The following CDH11 variants were observed in gnomAD, a reference collection of about 807,000 sequenced individuals.
The protein encoded by CDH11 is cadherin 11.
Under a neutral mutation model 67.8 loss-of-function variants are expected in CDH11, and 11 were observed. The ratio of observed to expected loss-of-function variants is 0.16; its 90% CI spans 0.10 to 0.27. The LOEUF (loss-of-function observed/expected upper bound fraction) is 0.27. Among genes scored for constraint, CDH11 ranks in the 10% least tolerant of loss-of-function variants. The pLI is 1.00. For synonymous variants in CDH11, 419 were observed against 400.0 expected (o/e 1.05, Z -0.57); for missense variants, 847 against 1,031.2 (o/e 0.82, Z 2.45).
chr16:64,947,597 T>C lies in CDH11; in HGVS notation c.*6A>G. On this transcript the variant is annotated 3_prime_UTR_variant, in exon 13 of 13. Coordinates refer to ENST00000268603, the MANE Select transcript of CDH11 (RefSeq NM_001797.4). ...AGTTCTTAAGGCCAAATTTGTATCG[T>C]TATTGTTAAGAATCGTCATCAAAAG... The C allele has an allele frequency of 6.2e-7, 1 of 1,601,204 alleles. No homozygotes were observed. The highest frequency in any genetic ancestry group is 1.1e-5 in the South Asian group (1 of 90,714).
In CDH11 at chr16:64,946,365, G is replaced by T. The variant is rs2071196514; in HGVS notation, c.*1238C>A. The stretch of plus-strand genomic sequence containing the variant: ...CCAGTTCCCCAGTGCTCAGTGTGGG[G>T]CATAGAATGTATACCTGGAACATTA... On this transcript the variant is annotated 3_prime_UTR_variant, in exon 13 of 13. Transcript: ENST00000268603. 1 of 1,040,252 alleles carries T rather than the reference G, an allele frequency of 9.6e-7. No individual in the cohort carries two copies. The highest frequency in any genetic ancestry group is 1.2e-6 in the Non-Finnish European group (1 of 863,430). 64.4% of individuals were successfully genotyped at this position (1,040,252 alleles called of 1,614,324 possible).
chr16:64,961,008 T>C (rs1382391450), intron 11 of CDH11, among the ~76,000 whole-genome samples: 1 of 152,148 alleles, frequency 6.6e-6, no homozygotes, highest in East Asian at 1.9e-4. Context: ...ATAACTAATT[T>C]TGCTGGATGT....
chr16:65,104,410 C>A (rs1265257451), intron 1 of CDH11, among the ~76,000 whole-genome samples: 2 of 152,180 alleles, frequency 1.3e-5, no homozygotes, highest in Non-Finnish European at 2.9e-5. Context: ...GAATCTCTTT[C>A]TCTCTATAGA....
At position 64,971,637 on chromosome 16, in the gene CDH11, G is replaced by A. The variant is rs757706888; in HGVS notation, c.1584C>T (p.Ile528=). 3 of 1,613,656 alleles carry A rather than the reference G, an allele frequency of 1.9e-6. No homozygotes were observed. Among genetic ancestry groups the A allele is most frequent in the Non-Finnish European group, 2.5e-6 (3 of 1,179,848 alleles). The change falls in exon 11 of 13, where the codon ATC becomes ATT. Residue 528 remains isoleucine, a synonymous_variant. Transcript: ENST00000268603. ...KDDTANGPRF[I]FSLPPEIIHN... is the part of the protein sequence containing the mutation. ...GAATGATTTCAGGGGGTAGGCTGAA[G>A]ATAAATCTTGGTCCATTGGCCGTGT...
At position 64,945,386 on chromosome 16, in the gene CDH11, TA is replaced by T; in HGVS notation, c.*2216del. On this transcript the variant is annotated 3_prime_UTR_variant, in exon 13 of 13. Coordinates refer to ENST00000268603, the MANE Select transcript of CDH11 (RefSeq NM_001797.4). Reference sequence around the variant, plus strand: ...AGCCTTTTTAAAAAAGACTTCAACATAAAAATGCGAAAATGTAGTTGTCATC... The same window carrying T: ...AGCCTTTTTAAAAAAGACTTCAACATAAAATGCGAAAATGTAGTTGTCATC... 1 of 1,022,784 alleles carries T rather than the reference TA, an allele frequency of 9.8e-7. No homozygotes were observed. The highest frequency in any genetic ancestry group is 1.2e-6 in the Non-Finnish European group (1 of 851,108). The allele number at this position is 1,022,784 out of a possible 1,614,324, so 63.4% of individuals were successfully genotyped here.
chr16:65,090,501 T>C (rs2074775618), intron 1 of CDH11, among the ~76,000 whole-genome samples: 1 of 152,050 alleles, frequency 6.6e-6, no homozygotes, highest in Non-Finnish European at 1.5e-5. Context: ...TCCCTATAAA[T>C]CAGCCATGTG....
At chr16:64,972,642 G>A (rs1473009919) in intron 9 of CDH11, among the ~76,000 whole-genome samples, 1 of 152,168 alleles carries the variant, frequency 6.6e-6, no homozygotes, top group Non-Finnish European at 1.5e-5. Flanking sequence ...AAATCTTTCA[G>A]TGATGGTTAT....
intron 1 of CDH11, among the ~76,000 whole-genome samples, chr16:65,097,698 G>A (rs2074923721): frequency 1.3e-5 from 2 of 152,088 alleles, no homozygotes. Flanking sequence ...ACAGCTCTAT[G>A]AATTAGGAAA....
chr16:65,085,283 G>A (rs1050330345), intron 1 of CDH11, among the ~76,000 whole-genome samples: 2 of 152,168 alleles, frequency 1.3e-5, no homozygotes, highest in Non-Finnish European at 2.9e-5. Context: ...GCTGCATAGT[G>A]GTTAAAGCAT....
intron 4 of CDH11, 34 bp downstream of exon 4, chr16:64,998,528 T>C: frequency 1.3e-6 from 2 of 1,599,046 alleles, no homozygotes; most frequent in Non-Finnish European, 1.7e-6. Context: ...ACACCAGGCC[T>C]GGAAGCAGAG....
intron 1 of CDH11, among the ~76,000 whole-genome samples, chr16:65,082,945 G>A (rs1057425221): frequency 4.3e-4 from 65 of 152,244 alleles, no homozygotes; most frequent in African/African-American, 1.5e-3. Context: ...GGGATCACAC[G>A]AGAAGGCACA....
In CDH11 at chr16:64,947,361, G is replaced by C; in HGVS notation, c.*242C>G. 7.9e-7 allele frequency: 1 copy of C among 1,272,870 alleles called. No individual in the cohort carries two copies. The highest frequency in any genetic ancestry group is 9.9e-7 in the Non-Finnish European group (1 of 1,008,326). The allele number at this position is 1,272,870 out of a possible 1,614,324, so 78.8% of individuals were successfully genotyped here. ...TTCACTTAAATATTTTGTATGCCAA[G>C]TGTTTTTTTTTTCTAGCGAAGTTGA... On this transcript the variant is annotated 3_prime_UTR_variant, in exon 13 of 13. Transcript: ENST00000268603.
intron 2 of CDH11, among the ~76,000 whole-genome samples, chr16:65,049,330 C>T (rs2074016744): frequency 6.6e-6 from 1 of 152,152 alleles, no homozygotes; most frequent in Non-Finnish European, 1.5e-5. Flanking sequence ...TTGGAAGAGA[C>T]ATTATCAATA....
At chr16:65,055,942 G>A (rs1231812520) in intron 1 of CDH11, among the ~76,000 whole-genome samples, 1 of 152,188 alleles carries the variant, frequency 6.6e-6, no homozygotes, top group Non-Finnish European at 1.5e-5. Flanking sequence ...GGAAAAGAAA[G>A]CAGAGCTCTC....
chr16:65,016,844 T>C (rs535031758), intron 2 of CDH11, among the ~76,000 whole-genome samples: 4 of 152,170 alleles, frequency 2.6e-5, no homozygotes, highest in Admixed American at 1.3e-4. Context: ...TTCTTGATTA[T>C]ATGCTAAACA....
At chr16:65,106,759 T>C (rs2075073337) in intron 1 of CDH11, among the ~76,000 whole-genome samples, 1 of 152,200 alleles carries the variant, frequency 6.6e-6, no homozygotes, top group African/African-American at 2.4e-5. Context: ...ATGCCAGGGC[T>C]GGACAGGAGC....
At chr16:64,995,436 C>T (rs949389855) in intron 4 of CDH11, among the ~76,000 whole-genome samples, 1 of 152,096 alleles carries the variant, frequency 6.6e-6, no homozygotes, top group African/African-American at 2.4e-5. Flanking sequence ...AGAAATAAAG[C>T]CACACACCTA....
chr16:65,047,993 C>T (rs755310599), intron 2 of CDH11, among the ~76,000 whole-genome samples: 8 of 152,194 alleles, frequency 5.3e-5, no homozygotes, highest in Non-Finnish European at 1.2e-4. Flanking sequence ...GTTTGCCAGC[C>T]TGGCTCCATC....
At chr16:65,108,731 A>C (rs1199492355) in intron 1 of CDH11, among the ~76,000 whole-genome samples, 1 of 152,172 alleles carries the variant, frequency 6.6e-6, no homozygotes, top group African/African-American at 2.4e-5. Flanking sequence ...TAGACAATTG[A>C]AAGTTGATTA....
Sources: allele counts gnomAD v4.1 joint callset (sites outside exome capture counted in the v4.1 genomes callset), GRCh38; gene constraint gnomAD v4.1.1; transcripts MANE v1.5; gene names NCBI Gene and HGNC (gene_info 2026-07-23, HGNC 2026-07-21).